KCTD2: variants seen among roughly 807,000 people sequenced by gnomAD.
KCTD2 encodes the protein BTB/POZ domain-containing protein KCTD2.
Under a neutral mutation model 27.9 loss-of-function variants are expected in KCTD2, and 18 were observed. That is an observed-to-expected ratio of 0.64 (90% CI 0.45 to 0.96). The LOEUF is 0.96. KCTD2 is among the 40% of genes least tolerant of loss of function. The pLI is 0.00. For synonymous variants in KCTD2, 175 were observed against 148.4 expected (o/e 1.18, Z -1.30); for missense variants, 280 against 348.0 (o/e 0.80, Z 1.56).
At position 75,041,803 on chromosome 17, in the gene KCTD2, C is replaced by G. The variant is rs572268249; in HGVS notation, c.-259+6446C>G. 1.3e-3 allele frequency: 210 copies of G among 163,650 alleles called. 1 individual carries two copies. The highest frequency in any genetic ancestry group is 4.7e-3 in the African/African-American group (195 of 41,862). 10.1% of individuals were successfully genotyped at this position (163,650 alleles called of 1,614,324 possible). ...ATTGCTTGAGCCCAAGAGTTCTGGG[C>G]TGTAGCGCGTTATGCCGATCGGGTG... On this transcript the variant is annotated intron_variant, in intron 3 of 7. Transcript: ENST00000581589.
At chr17:75,055,149 G>A (rs2073336473) in intron 3 of KCTD2, among the ~76,000 whole-genome samples, 1 of 151,968 alleles carries the variant, frequency 6.6e-6, no homozygotes, top group Admixed American at 6.6e-5. Context: ...CTGCCTCCCA[G>A]GTTCAAGCGA....
rs12602633 is a variant in KCTD2 at position 75,064,590 on chromosome 17, G to C, written c.*1543G>C. 0.1 allele frequency: 14,846 copies of C among 147,604 alleles called. 1,554 individuals are homozygous for C. Among genetic ancestry groups the C allele is most frequent in the East Asian group, 0.61 (3,158 of 5,162 alleles). The allele number at this position is 147,604 out of a possible 1,614,324, so 9.1% of individuals were successfully genotyped here. A position where few individuals can be genotyped will look rare whatever the true frequency, so the allele number is the denominator to read the frequency against. ...GCATAACTTTTCCCTAGGACCCTCA[G>C]TCTCCTTGTTTCTCTGTATCTGTAG... On this transcript the variant is annotated 3_prime_UTR_variant, in exon 6 of 6. Coordinates refer to ENST00000322444, the MANE Select transcript of KCTD2 (RefSeq NM_015353.3).
At chr17:75,033,946 C>T (rs887850117) in intron 1 of KCTD2, 1 of 152,284 alleles carries the variant, frequency 6.6e-6, no homozygotes, top group Non-Finnish European at 1.5e-5. Context: ...CCTCCTAAGC[C>T]AGGGATTGTG....
intron 2 of KCTD2, 125 bp from the exon 3 acceptor site, chr17:75,052,889 G>A (rs915209770): frequency 3.0e-5 from 22 of 741,826 alleles, no homozygotes; most frequent in Admixed American, 6.4e-5. Flanking sequence ...GTAAGACTCC[G>A]TCTCAAAAAA....
At chr17:75,035,810 G>A (rs2040109927) in intron 3 of KCTD2, among the ~76,000 whole-genome samples, 1 of 152,074 alleles carries the variant, frequency 6.6e-6, no homozygotes, top group Non-Finnish European at 1.5e-5. Context: ...TCCAGCCTGG[G>A]CAACAGAGCG....
intron 1 of KCTD2, among the ~76,000 whole-genome samples, chr17:75,033,873 G>C (rs2040087078): frequency 6.6e-6 from 1 of 152,290 alleles, no homozygotes; most frequent in South Asian, 2.1e-4. Flanking sequence ...ACTCGCTTAT[G>C]AGGGGAAGGG....
intron 3 of KCTD2, among the ~76,000 whole-genome samples, chr17:75,057,288 T>G (rs2073359719): frequency 6.6e-6 from 1 of 151,898 alleles, no homozygotes; most frequent in Non-Finnish European, 1.5e-5. Context: ...TTGTAGGTGA[T>G]TGATCCTGGT....
chr17:75,035,693 G>A (rs898567781), intron 3 of KCTD2, among the ~76,000 whole-genome samples: 2 of 152,128 alleles, frequency 1.3e-5, no homozygotes, highest in Non-Finnish European at 2.9e-5. Context: ...GGCCAATCGT[G>A]GTGGCACGCG....
In KCTD2 at chr17:75,062,209, C is replaced by A; in HGVS notation, c.726C>A (p.Thr242=). ...TCTCCAGAGAACTAAATAATTCTAC[C>A]AATGGCATCGTCATAGAGCCGAGCG... ...CVVSRELNNS[T]NGIVIEPSEK... The change falls in exon 5 of 6, where the codon ACC becomes ACA. Residue 242 remains threonine (T), a synonymous_variant. Transcript: ENST00000322444. 2 of 1,613,920 alleles carry A rather than the reference C, an allele frequency of 1.2e-6. No homozygotes were observed. Among genetic ancestry groups the A allele is most frequent in the Non-Finnish European group, 1.7e-6 (2 of 1,179,946 alleles).
upstream of KCTD2, among the ~76,000 whole-genome samples, chr17:75,044,639 G>T (rs1310012600): frequency 6.6e-6 from 1 of 152,138 alleles, no homozygotes; most frequent in Non-Finnish European, 1.5e-5. Flanking sequence ...ACCGCGCCCG[G>T]CCTGCATTTT....
At chr17:75,044,453 C>T (rs910630770), upstream of KCTD2, among the ~76,000 whole-genome samples, 8 of 108,086 alleles carry the variant, frequency 7.4e-5, no homozygotes, top group Admixed American at 2.4e-4. Context: ...GATCCACCCG[C>T]CTCGGCCTCC....
upstream of KCTD2, among the ~76,000 whole-genome samples, chr17:75,044,566 T>C (rs2073193954): frequency 6.6e-6 from 1 of 151,206 alleles, no homozygotes; most frequent in South Asian, 2.1e-4. Context: ...GGGCTGAAAC[T>C]CCAGACCTCA....
intron 3 of KCTD2, among the ~76,000 whole-genome samples, chr17:75,054,912 G>A (rs1389323346): frequency 2.0e-5 from 3 of 152,028 alleles, no homozygotes; most frequent in African/African-American, 4.8e-5. Context: ...TTAACAGTAA[G>A]AAGGCAGAGT....
intron 3 of KCTD2, among the ~76,000 whole-genome samples, chr17:75,055,119 A>C (rs1567992816): frequency 6.6e-6 from 1 of 151,864 alleles, no homozygotes; most frequent in African/African-American, 2.4e-5. Context: ...CAGTGGCATG[A>C]TCTCGGCTTA....
rs2073232041 is a variant in KCTD2, at chr17:75,047,259, A to G, written c.9A>G (p.Glu3=). The G allele has an allele frequency of 3.5e-6, 3 of 861,436 alleles. No individual in the cohort carries two copies. Among genetic ancestry groups the G allele is most frequent in the South Asian group, 3.9e-5 (1 of 25,682 alleles). 53.4% of individuals were successfully genotyped at this position (861,436 alleles called of 1,614,324 possible). Reference sequence around the variant, plus strand: ...GGCGGCGGCGGTCCAAGATGGCGGAACTGCAGCTGGACCCGGCGATGGCGG... The same window carrying G: ...GGCGGCGGCGGTCCAAGATGGCGGAGCTGCAGCTGGACCCGGCGATGGCGG... MA[E]LQLDPAMAGL... is the part of the protein sequence containing the mutation. The change falls in exon 1 of 6, where the codon GAA becomes GAG. Residue 3 remains glutamate, a synonymous_variant. Coordinates refer to ENST00000322444, the MANE Select transcript of KCTD2 (RefSeq NM_015353.3).
chr17:75,062,699 A>ACACACACACACACACACACACAC (rs1555642380), intron 5 of KCTD2, among the ~76,000 whole-genome samples: 4 of 115,990 alleles, frequency 3.4e-5, no homozygotes, highest in Non-Finnish European at 3.7e-5. Context: ...CCTCACCCCC[A>ACACACACACACACACACACACAC]ACACACACAC....
chr17:75,048,213 A>G (rs1431502310), intron 1 of KCTD2, among the ~76,000 whole-genome samples: 1 of 152,224 alleles, frequency 6.6e-6, no homozygotes, highest in Non-Finnish European at 1.5e-5. Context: ...AGGCTAAGAC[A>G]GAAGGAAAAT....
intron 4 of KCTD2, among the ~76,000 whole-genome samples, chr17:75,061,038 T>C (rs1472429134): frequency 1.3e-5 from 2 of 152,240 alleles, no homozygotes; most frequent in Non-Finnish European, 2.9e-5. Flanking sequence ...TTTCCTAATA[T>C]GAGCTCTTAA....
At chr17:75,053,490 G>T (rs1206259801) in intron 3 of KCTD2, among the ~76,000 whole-genome samples, 1 of 152,056 alleles carries the variant, frequency 6.6e-6, no homozygotes, top group Admixed American at 6.6e-5. Flanking sequence ...GCCCAGGCCG[G>T]AGTGCAGTGG....
Sources: gnomAD v4.1 joint callset for allele counts (sites outside exome capture counted in the v4.1 genomes callset) on GRCh38, gnomAD v4.1.1 for gene constraint, MANE v1.5 for transcripts, NCBI Gene and HGNC (gene_info 2026-07-23, HGNC 2026-07-21) for gene names.